FGD3: variants seen among roughly 807,000 people sequenced by gnomAD.
FGD3 encodes the protein FYVE, RhoGEF and PH domain-containing protein 3.
A neutral mutation model predicts 71.8 loss-of-function variants in FGD3; 45 were observed. That is an observed-to-expected ratio of 0.63 (90% confidence interval 0.49 to 0.80). The LOEUF (loss-of-function observed/expected upper bound fraction) is 0.80. Among genes scored for constraint, FGD3 ranks in the 30% least tolerant of loss-of-function variants. The probability of loss-of-function intolerance (pLI) is 0.00; values close to 1 mark genes in which losing one functional copy is unlikely to be tolerated. For missense variants in FGD3, 844 were observed against 951.5 expected, an observed-to-expected ratio of 0.89 and a Z score of 1.49; for synonymous variants, 378 against 392.8, an observed-to-expected ratio of 0.96 and a Z score of 0.44.
At chr9:93,000,699 G>A (rs750813963) in intron 3 of FGD3, among the ~76,000 whole-genome samples, 7 of 151,778 alleles carry the variant, frequency 4.6e-5, no homozygotes, top group South Asian at 2.1e-4. Flanking sequence ...TTTTTCTCTC[G>A]CTGCTTTCAA....
chr9:92,962,897 G>A (rs1320798061), intron 1 of FGD3, among the ~76,000 whole-genome samples: 3 of 145,094 alleles, frequency 2.1e-5, no homozygotes, highest in Non-Finnish European at 3.0e-5. Flanking sequence ...CTGACTTTGC[G>A]CCACTGCACT....
intron 3 of FGD3, among the ~76,000 whole-genome samples, chr9:92,997,017 A>G (rs941066138): frequency 2.0e-5 from 3 of 152,178 alleles, no homozygotes; most frequent in Non-Finnish European, 4.4e-5. Flanking sequence ...GCTGAGTTCA[A>G]TTCCTGGATA....
chr9:93,030,059 G>GAGGA, intron 15 of FGD3, 63 bp downstream of exon 15: 2 of 1,573,992 alleles, frequency 1.3e-6, no homozygotes, highest in Non-Finnish European at 1.7e-6. Context: ...TGACAGAGCA[G>GAGGA]CTGAGTCCTC....
At chr9:93,028,013 C>T (rs1488309804) in intron 14 of FGD3, among the ~76,000 whole-genome samples, 1 of 152,072 alleles carries the variant, frequency 6.6e-6, no homozygotes, top group African/African-American at 2.4e-5. Flanking sequence ...GCCACTGCGC[C>T]TGGGCCTCCT....
intron 1 of FGD3, among the ~76,000 whole-genome samples, chr9:92,948,320 G>A (rs1029471207): frequency 6.6e-6 from 1 of 152,248 alleles, no homozygotes; most frequent in African/African-American, 2.4e-5. Context: ...GGGCGAAAGC[G>A]GGTGCTTTGG....
chr9:93,022,411 G>T (rs1437074370), intron 14 of FGD3, 22 bp downstream of exon 14: 1 of 1,609,240 alleles, frequency 6.2e-7, no homozygotes, highest in East Asian at 2.2e-5. Context: ...ATGCTCAGCG[G>T]TCAGCAGGGG....
Position 93,020,354 on chromosome 9 carries a change from G to A in FGD3, c.1424G>A (p.Ser475Asn), listed in dbSNP as rs1434164063. 3 of 1,613,714 alleles carry A rather than the reference G, an allele frequency of 1.9e-6. No homozygotes were observed. Among genetic ancestry groups the A allele is most frequent in the East Asian group, 4.5e-5 (2 of 44,884 alleles). Residue 475 changes from serine to asparagine, a missense_variant, in exon 13 of 18, where the codon AGC becomes AAC. By Grantham distance (46) the Ser-to-Asn change is conservative. Transcript: ENST00000375482. ...QATIEKHKQN[S>N]ETFKAFGGAF... The stretch of plus-strand genomic sequence containing the variant: ...ACCATCGAGAAGCACAAACAGAACA[G>A]CGAAACCTTCAAGGCTTTTGGTGGC...
chr9:92,958,002 ATTT>A (rs34120692), intron 1 of FGD3, among the ~76,000 whole-genome samples: 1 of 137,180 alleles, frequency 7.3e-6, no homozygotes, highest in Non-Finnish European at 1.6e-5. Flanking sequence ...AAAATATTTA[ATTT>A]TTTTTTTTTT....
At chr9:93,024,606 C>T (rs1862051552) in intron 14 of FGD3, among the ~76,000 whole-genome samples, 1 of 152,238 alleles carries the variant, frequency 6.6e-6, no homozygotes, top group Non-Finnish European at 1.5e-5. Flanking sequence ...GGTGTGAGCC[C>T]ATACGACATG....
rs1777166174 is a variant in FGD3 at position 92,995,625 on chromosome 9, TC to T, written c.454-7299del. Among the ~76,000 whole-genome samples the T allele has an allele frequency of 2.0e-5, 3 of 152,146 alleles. No individual in the cohort carries two copies. The South Asian group carries it at 6.2e-4, about 32-fold the overall frequency. On this transcript the variant is annotated intron_variant, in intron 3 of 17. Coordinates refer to ENST00000375482, the MANE Select transcript of FGD3 (RefSeq NM_001083536.2). The stretch of plus-strand genomic sequence containing the variant: ...TGGCTGTGGGTTTGTCATAAATAGC[TC>T]TTATTATTTTGAGATATGTCCCATC...
Position 93,035,536 on chromosome 9 carries a change from G to A in FGD3, c.2125G>A (p.Asp709Asn). The change falls in exon 18 of 18, where the codon GAC (aspartate) becomes AAC (asparagine). Residue 709 changes from aspartate to asparagine, a missense_variant. Physicochemically the swap from Asp to Asn is conservative, Grantham distance 23. Transcript: ENST00000375482. ...TGCTGCCCATGGGGACACGGCCCAG[G>A]ACAGCCCGGGGGCCCTGCAGCTTCA... is the stretch of plus-strand genomic sequence containing the variant. ...STAAHGDTAQ[D>N]SPGALQLQVP... 1.2e-6 allele frequency: 2 copies of A among 1,610,310 alleles called. No individual in the cohort carries two copies. Among genetic ancestry groups the A allele is most frequent in the Non-Finnish European group, 1.7e-6 (2 of 1,179,786 alleles).
intron 3 of FGD3, among the ~76,000 whole-genome samples, chr9:92,994,094 C>T (rs113583537): frequency 0.042 from 6,319 of 152,160 alleles, 169 homozygotes; most frequent in East Asian, 0.14. Flanking sequence ...AGTGTAAAAG[C>T]GTTCCTATTT....
intron 12 of FGD3, among the ~76,000 whole-genome samples, 195 bp from the exon 13 acceptor site, chr9:93,020,122 G>A (rs1861855541): frequency 6.6e-6 from 1 of 152,238 alleles, no homozygotes; most frequent in African/African-American, 2.4e-5. Context: ...CCCGCTCAGG[G>A]TGGATCTCCT....
At position 93,035,848 on chromosome 9, in the gene FGD3, A is replaced by G; in HGVS notation, c.*259A>G. 1 of 486,122 alleles carries G rather than the reference A, an allele frequency of 2.1e-6. No individual in the cohort carries two copies. The highest frequency in any genetic ancestry group is 3.9e-5 in the Admixed American group (1 of 25,872). The allele number at this position is 486,122 out of a possible 1,614,324, so 30.1% of individuals were successfully genotyped here. On this transcript the variant is annotated 3_prime_UTR_variant, in exon 18 of 18. Transcript: ENST00000375482. ...GGCCCAGAGCAGGGGCCGACTGCCA[A>G]AGTAACCATCATCCATATGGGCCGT... is the stretch of plus-strand genomic sequence containing the variant.
intron 5 of FGD3, among the ~76,000 whole-genome samples, chr9:93,004,356 G>C (rs541873189): frequency 6.6e-6 from 1 of 152,370 alleles, no homozygotes; most frequent in Non-Finnish European, 1.5e-5. Flanking sequence ...TGAGAAAGCA[G>C]ATGATGCGGA....
chr9:92,961,423 G>A (rs184667570), intron 1 of FGD3, among the ~76,000 whole-genome samples: 5 of 152,272 alleles, frequency 3.3e-5, no homozygotes, highest in Non-Finnish European at 5.9e-5. Context: ...GGAGTCCTCC[G>A]GGGTAGAGGA....
chr9:93,014,070 G>C, intron 9 of FGD3, 72 bp downstream of exon 9: 1 of 1,506,760 alleles, frequency 6.6e-7, no homozygotes, highest in South Asian at 1.3e-5. Flanking sequence ...GGCAGTGCCA[G>C]GAGGGCTCTG....
chr9:93,028,218 G>GCACA (rs547210870), intron 14 of FGD3, among the ~76,000 whole-genome samples: 41,487 of 140,746 alleles, frequency 0.29, 6,107 homozygotes, highest in Middle Eastern at 0.38. Flanking sequence ...ACACACACAC[G>GCACA]CACACACACA....
In FGD3 at chr9:93,034,307, C is replaced by A. The variant is rs556399719; in HGVS notation, c.1786-234C>A. 3.3e-5 allele frequency: 16 copies of A among 482,846 alleles called. No homozygotes were observed. The South Asian group carries it at 5.7e-4, about 17-fold the overall frequency. The allele number at this position is 482,846 out of a possible 1,614,324, so 29.9% of individuals were successfully genotyped here. A position where few individuals can be genotyped will look rare whatever the true frequency, so the allele number is the denominator to read the frequency against. On this transcript the variant is annotated intron_variant, in intron 16 of 17. Transcript: ENST00000375482. ...TGACCCAGCATATGGATGCCCTCCC[C>A]TTGGAGGGCCCAGCCTGCAAACCCC...
Sources: gnomAD v4.1 joint callset for allele counts (sites outside exome capture counted in the v4.1 genomes callset) on GRCh38, gnomAD v4.1.1 for gene constraint, MANE v1.5 for transcripts, NCBI Gene and HGNC (gene_info 2026-07-23, HGNC 2026-07-21) for gene names.